The following NOL4 variants were observed in gnomAD, a reference collection of about 807,000 sequenced individuals.
The protein encoded by NOL4 is nucleolar protein 4.
Under a neutral mutation model 75.9 loss-of-function variants are expected in NOL4, and 17 were observed. That is an observed-to-expected ratio of 0.22 (90% CI 0.15 to 0.34). The LOEUF is 0.34. Ranked by LOEUF, NOL4 falls within the 10% of genes least tolerant of loss-of-function variation. NOL4 has a pLI of 1.00. For synonymous variants in NOL4, 292 were observed against 289.9 expected, an observed-to-expected ratio of 1.01 and a Z score of -0.07; for missense variants, 614 against 793.5, an observed-to-expected ratio of 0.77 and a Z score of 2.72.
At chr18:34,118,333 T>A (rs1245193063) in intron 2 of NOL4, among the ~76,000 whole-genome samples, 2 of 152,138 alleles carry the variant, frequency 1.3e-5, no homozygotes, top group Non-Finnish European at 2.9e-5. Flanking sequence ...TTAGAAATAA[T>A]CTCCTAGTGA....
chr18:34,114,643 T>C (rs554279488), intron 2 of NOL4, among the ~76,000 whole-genome samples: 18 of 152,360 alleles, frequency 1.2e-4, no homozygotes, highest in African/African-American at 4.3e-4. Flanking sequence ...TTTACTACCA[T>C]TATTTTAGCA....
intron 2 of NOL4, among the ~76,000 whole-genome samples, chr18:34,107,069 C>T (rs1178701311): frequency 1.3e-5 from 2 of 152,116 alleles, no homozygotes; most frequent in Non-Finnish European, 2.9e-5. Context: ...TGGAGAGACA[C>T]TCCATTGGCT....
intron 6 of NOL4, among the ~76,000 whole-genome samples, chr18:34,016,861 T>G (rs2074727865): frequency 6.6e-6 from 1 of 152,148 alleles, no homozygotes; most frequent in Non-Finnish European, 1.5e-5. Flanking sequence ...CAACAGTGAC[T>G]TGCATGTAGG....
chr18:34,197,281 A>T lies in NOL4; in HGVS notation c.264+25709T>A, dbSNP rs577510042. On this transcript the variant is annotated intron_variant, in intron 1 of 10. Transcript: ENST00000261592. ...CTTTTAAACCAATAATAGATTTTTT[A>T]AAAAATGGCATTTCAGTGTTGAATA... Among the ~76,000 whole-genome samples, 27 of 152,136 alleles carry T rather than the reference A, an allele frequency of 1.8e-4. No homozygotes were observed. In the South Asian group the frequency reaches 5.2e-3, roughly 29 times the overall value.
intron 6 of NOL4, among the ~76,000 whole-genome samples, chr18:33,967,142 G>T (rs540503961): frequency 6.6e-6 from 1 of 152,174 alleles, no homozygotes; most frequent in East Asian, 1.9e-4. Flanking sequence ...TGGACCAATG[G>T]AACAGAATAG....
chr18:34,069,869 C>G (rs148008016), intron 5 of NOL4, among the ~76,000 whole-genome samples: 1 of 152,204 alleles, frequency 6.6e-6, no homozygotes, highest in African/African-American at 2.4e-5. Flanking sequence ...TAATAACAGA[C>G]AGATCTCCTA....
intron 5 of NOL4, among the ~76,000 whole-genome samples, chr18:34,029,275 C>T (rs942554449): frequency 6.6e-5 from 10 of 152,020 alleles, no homozygotes; most frequent in Non-Finnish European, 1.2e-4. Context: ...GTCTTGGGTC[C>T]CTTAAATCAC....
In NOL4 at chr18:33,883,263, C is replaced by A; in HGVS notation, c.1704G>T (p.Leu568=). 1 of 1,595,494 alleles carries A rather than the reference C, an allele frequency of 6.3e-7. No homozygotes were observed. Among genetic ancestry groups the A allele is most frequent in the South Asian group, 1.1e-5 (1 of 87,540 alleles). ...YRGLGGGLLN[L]NDASSSGPTD... ...ACTCACCACTGCTGGAAGCATCATT[C>A]AGATTTAGCAGACCCCCTCCTAGCC... The change falls in exon 10 of 11, where the codon CTG becomes CTT. Residue 568 remains leucine, a synonymous_variant. Coordinates refer to ENST00000261592, the MANE Select transcript of NOL4 (RefSeq NM_003787.5).
chr18:33,996,885 C>CTT (rs138162301), intron 6 of NOL4, among the ~76,000 whole-genome samples: 1 of 151,548 alleles, frequency 6.6e-6, no homozygotes, highest in South Asian at 2.1e-4. Context: ...GTACATATGT[C>CTT]TTTTTGGTAA....
chr18:34,000,819 C>T (rs1348240141), intron 6 of NOL4, among the ~76,000 whole-genome samples: 1 of 152,048 alleles, frequency 6.6e-6, no homozygotes, highest in Non-Finnish European at 1.5e-5. Context: ...CTGCAGACAA[C>T]ATAAAATGCT....
intron 8 of NOL4, 94 bp downstream of exon 8, chr18:33,957,232 T>C: frequency 9.4e-7 from 1 of 1,068,152 alleles, no homozygotes; most frequent in South Asian, 2.1e-5. Flanking sequence ...TGGAAAAAAA[T>C]AAAAAAAGAC....
chr18:34,109,504 G>A, intron 2 of NOL4, among the ~76,000 whole-genome samples: 1 of 152,020 alleles, frequency 6.6e-6, no homozygotes, highest in East Asian at 1.9e-4. Context: ...GAGTGACAGA[G>A]GGAGAGCCTG....
chr18:34,192,246 A>G (rs1224730626), intron 1 of NOL4, among the ~76,000 whole-genome samples: 1 of 152,216 alleles, frequency 6.6e-6, no homozygotes, highest in African/African-American at 2.4e-5. Context: ...ATGAAATCCT[A>G]TGTTCATGAT....
At chr18:33,918,285 T>C (rs763240941) in intron 9 of NOL4, among the ~76,000 whole-genome samples, 5 of 152,172 alleles carry the variant, frequency 3.3e-5, no homozygotes, top group Middle Eastern at 3.2e-3. Flanking sequence ...TCACACAAAA[T>C]GTTGAAATTT....
At chr18:34,065,195 A>C (rs2077222631) in intron 5 of NOL4, among the ~76,000 whole-genome samples, 1 of 151,914 alleles carries the variant, frequency 6.6e-6, no homozygotes, top group African/African-American at 2.4e-5. Flanking sequence ...AAATGCTTGA[A>C]AGAGAATACA....
chr18:34,062,733 G>A (rs977148833), intron 5 of NOL4, among the ~76,000 whole-genome samples: 2 of 152,106 alleles, frequency 1.3e-5, no homozygotes, highest in African/African-American at 4.8e-5. Flanking sequence ...CAGGTAGATG[G>A]AAAATATGTC....
chr18:34,180,645 A>G (rs2033959793), intron 1 of NOL4, among the ~76,000 whole-genome samples: 1 of 151,528 alleles, frequency 6.6e-6, no homozygotes, highest in Non-Finnish European at 1.5e-5. Flanking sequence ...AAAAGCATCC[A>G]TGATGAAAAA....
intron 5 of NOL4, among the ~76,000 whole-genome samples, chr18:34,091,195 CAAAAAAAA>C (rs56398038): frequency 1.6e-5 from 2 of 122,744 alleles, no homozygotes; most frequent in African/African-American, 6.2e-5. Context: ...ACTAAAAATA[CAAAAAAAA>C]AAAAAAAAAA....
chr18:34,052,598 T>G (rs1226299702), intron 5 of NOL4, among the ~76,000 whole-genome samples: 1 of 152,062 alleles, frequency 6.6e-6, no homozygotes, highest in African/African-American at 2.4e-5. Context: ...AAACAATCAT[T>G]TATTCAGCAG....
Sources: allele counts gnomAD v4.1 joint callset (sites outside exome capture counted in the v4.1 genomes callset), GRCh38; gene constraint gnomAD v4.1.1; transcripts MANE v1.5; gene names NCBI Gene and HGNC (gene_info 2026-07-23, HGNC 2026-07-21).